Variants in CES4A observed in about 807,000 individuals in gnomAD.
CES4A encodes carboxylesterase 4A.
In CES4A, 48 loss-of-function variants were observed where a neutral mutation model predicts 65.4. The observed-to-expected ratio is 0.73, with a 90% CI of 0.58 to 0.93. The LOEUF (loss-of-function observed/expected upper bound fraction) is 0.93. Among genes scored for constraint, CES4A ranks in the 40% least tolerant of loss-of-function variants. The probability of loss-of-function intolerance (pLI) is 0.00; values close to 1 mark genes in which losing one functional copy is unlikely to be tolerated. For missense variants in CES4A, 685 were observed against 728.5 expected (o/e 0.94, Z 0.69); for synonymous variants, 247 against 281.8 (o/e 0.88, Z 1.24).
chr16:66,988,668 A>C (rs1964140356), exon 1 of CES4A: 1 of 1,538,106 alleles, frequency 6.5e-7, no homozygotes, highest in African/African-American at 1.4e-5. Context: ...TTAAGAGCAG[A>C]TAAAAGTGTG....
At chr16:67,005,051 C>G (rs759834720) in intron 10 of CES4A, 178 bp downstream of exon 10, 28 of 744,960 alleles carry the variant, frequency 3.8e-5, no homozygotes, top group African/African-American at 7.0e-5. Context: ...CTCAGGGTCA[C>G]AGGGGCAGTT....
exon 2 of CES4A, chr16:66,995,781 C>T (rs1367082415): frequency 6.2e-7 from 1 of 1,614,206 alleles, no homozygotes; most frequent in Non-Finnish European, 8.5e-7. Flanking sequence ...CCTCCAGAAC[C>T]CCCGGAGCCC....
rs377408075 is a variant in CES4A, at chr16:66,995,824, G to A, written c.255G>A (p.Pro85=). 504 of 1,613,066 alleles carry A rather than the reference G, an allele frequency of 3.1e-4. 2 individuals carry two copies. The Middle Eastern group carries it at 4.4e-3, about 14-fold the overall frequency. Residue 85 remains proline (P), a synonymous_variant, in exon 2 of 14, where the codon CCG becomes CCA. Coordinates refer to ENST00000648724, the Ensembl canonical transcript of CES4A. ...GAATCAGAGATGCTACCACCTACCC[G>A]CCTGGGTAAGAGTCAGAGGCCTGTC...
chr16:66,993,021 A>G (rs1308524104), intron 1 of CES4A, among the ~76,000 whole-genome samples: 1 of 152,156 alleles, frequency 6.6e-6, no homozygotes, highest in East Asian at 1.9e-4. Flanking sequence ...GGGGGCAAAT[A>G]GACAAGGGCA....
exon 14 of CES4A, chr16:67,009,104 T>C (rs904464630): frequency 1.4e-5 from 22 of 1,613,610 alleles, no homozygotes; most frequent in Non-Finnish European, 1.8e-5. Context: ...GATGAGTCTG[T>C]ACCAGTCTCA....
Position 67,001,034 on chromosome 16 carries a change from CGGCGGGGACTGGGTGGGAAGGGAGG to C in CES4A, c.536+52_536+76del. ...TTTGGGACCGCAGCTGTGGCCAGAG[CGGCGGGGACTGGGTGGGAAGGGAGG>C]GGCGGGGCCTGGGGCGGGGATGGGG... On this transcript the variant is annotated intron_variant, in intron 4 of 13. Transcript: ENST00000648724. This position sits in a 1 kb window ranked among gnomAD's most constrained non-coding sequence, Gnocchi z 4.1. The C allele has an allele frequency of 1.1e-6, 1 of 898,050 alleles. No homozygotes were observed. Among genetic ancestry groups the C allele is most frequent in the Non-Finnish European group, 1.5e-6 (1 of 667,986 alleles). 55.6% of individuals were successfully genotyped at this position (898,050 alleles called of 1,614,324 possible). A position where few individuals can be genotyped will look rare whatever the true frequency, so the allele number is the denominator to read the frequency against.
chr16:67,006,878 C>A, intron 13 of CES4A, 61 bp downstream of exon 13: 1 of 1,503,650 alleles, frequency 6.7e-7, no homozygotes, highest in Non-Finnish European at 9.2e-7. Flanking sequence ...CCTGAAGAAG[C>A]CAGCTGCTTC....
intron 11 of CES4A, 145 bp downstream of exon 11, chr16:67,005,538 C>A: frequency 1.3e-6 from 1 of 774,916 alleles, no homozygotes; most frequent in Non-Finnish European, 2.0e-6. Context: ...GAGGAGGCAG[C>A]ATGCTATCAA....
chr16:66,992,410 G>T (rs2145576838), intron 1 of CES4A, among the ~76,000 whole-genome samples: 1 of 152,314 alleles, frequency 6.6e-6, no homozygotes, highest in African/African-American at 2.4e-5. Context: ...GAGTGTGAAG[G>T]TGTGCTCTAT....
rs1965278909 is a variant in CES4A, at chr16:67,001,027, G to C, written c.536+37G>C. 1 of 1,536,636 alleles carries C rather than the reference G, an allele frequency of 6.5e-7. No homozygotes were observed. The highest frequency in any genetic ancestry group is 8.8e-7 in the Non-Finnish European group (1 of 1,130,474). The stretch of plus-strand genomic sequence containing the variant: ...GGTACCCTTTGGGACCGCAGCTGTG[G>C]CCAGAGCGGCGGGGACTGGGTGGGA... On this transcript the variant is annotated intron_variant, in intron 4 of 13. Transcript: ENST00000648724. The surrounding 1 kb of genome is among the most constrained non-coding windows in gnomAD (Gnocchi z 4.1).
At chr16:66,991,034 T>G (rs1301326010) in intron 1 of CES4A, among the ~76,000 whole-genome samples, 1 of 152,108 alleles carries the variant, frequency 6.6e-6, no homozygotes, top group Non-Finnish European at 1.5e-5. Context: ...TGGTTGTTGT[T>G]TTGTTTTTGA....
Position 67,001,405 on chromosome 16 carries a change from C to T in CES4A, c.634C>T (p.Pro212Ser). 1.2e-6 allele frequency: 2 copies of T among 1,613,634 alleles called. No homozygotes were observed. The highest frequency in any genetic ancestry group is 1.7e-6 in the Non-Finnish European group (2 of 1,179,854). The change falls in exon 5 of 14, where the codon CCA becomes TCA. Residue 212 changes from proline to serine, a missense_variant. Transcript: ENST00000648724. This position sits in a 1 kb window ranked among gnomAD's most constrained non-coding sequence, Gnocchi z 4.1. ...GAACATCGCAGCCTTCGGGGGAGAC[C>T]CAGGAAATGTGACCCTGTTCGGCCA... is the stretch of plus-strand genomic sequence containing the variant.
At chr16:66,993,881 C>T (rs1964592570) in intron 1 of CES4A, among the ~76,000 whole-genome samples, 1 of 151,586 alleles carries the variant, frequency 6.6e-6, no homozygotes. Context: ...GCGGGCAGAT[C>T]ACAAGTTCAG....
rs529680946 is a variant in CES4A at position 67,003,506 on chromosome 16, C to G, written c.901-9C>G. The G allele has an allele frequency of 3.7e-4, 604 of 1,612,718 alleles. 12 individuals are homozygous for G. In the South Asian group the frequency reaches 6.2e-3, roughly 17 times the overall value. ...TCCTTTAACTCTGATCCCTTCCTCT[C>G]CCCCATAGAGATTCCTCCAACTGAA... is the stretch of plus-strand genomic sequence containing the variant. On this transcript the variant is annotated splice_polypyrimidine_tract_variant and intron_variant, in intron 7 of 13. Coordinates refer to ENST00000648724, the Ensembl canonical transcript of CES4A. The surrounding 1 kb of genome is among the most constrained non-coding windows in gnomAD (Gnocchi z 4.2).
intron 1 of CES4A, among the ~76,000 whole-genome samples, chr16:66,991,599 C>A (rs1011629042): frequency 6.6e-6 from 1 of 152,214 alleles, no homozygotes; most frequent in African/African-American, 2.4e-5. Flanking sequence ...CACTCCATGG[C>A]AGCTCATGCT....
chr16:67,006,830 C>T lies in CES4A; in HGVS notation c.1517+13C>T, dbSNP rs766578305. On this transcript the variant is annotated intron_variant, in intron 13 of 13. Coordinates refer to ENST00000648724, the Ensembl canonical transcript of CES4A. ...TTGCCCGCACAGGGTGAGTCTGCCC[C>T]CCAGCACATCTGGGCATTCTACCTG... The T allele has an allele frequency of 6.8e-6, 11 of 1,613,276 alleles. No homozygotes were observed. The highest frequency in any genetic ancestry group is 8.5e-6 in the Non-Finnish European group (10 of 1,179,484).
rs1965527361 is a variant in CES4A at position 67,003,682 on chromosome 16, G to A, written c.939+129G>A. Reference sequence around the variant, plus strand: ...GTGGAGCTGATGTTCCAGTGGGGAAGGAGAATAAACCCTATAAATAAATAT... The same window carrying A: ...GTGGAGCTGATGTTCCAGTGGGGAAAGAGAATAAACCCTATAAATAAATAT... On this transcript the variant is annotated intron_variant, in intron 8 of 13. Transcript: ENST00000648724. The surrounding 1 kb of genome is among the most constrained non-coding windows in gnomAD (Gnocchi z 4.2). The A allele has an allele frequency of 3.8e-6, 3 of 779,342 alleles. No individual in the cohort carries two copies. The highest frequency in any genetic ancestry group is 4.5e-6 in the Non-Finnish European group (2 of 440,498). 48.3% of individuals were successfully genotyped at this position (779,342 alleles called of 1,614,324 possible).
At chr16:67,005,334 A>G (rs148896253) in exon 11 of CES4A, 28 of 1,614,132 alleles carry the variant, frequency 1.7e-5, no homozygotes, top group Non-Finnish European at 2.4e-5. Flanking sequence ...CGTATGATGG[A>G]CATAGTTCAA....
intron 2 of CES4A, chr16:66,996,177 C>T: frequency 7.3e-6 from 3 of 411,754 alleles, no homozygotes; most frequent in South Asian, 5.9e-5. Context: ...TCTGGGGCTA[C>T]AGGTACGTGC....
Sources: allele counts gnomAD v4.1 joint callset (sites outside exome capture counted in the v4.1 genomes callset), GRCh38; gene constraint gnomAD v4.1.1; non-coding constraint Gnocchi (gnomAD v3.1); transcripts MANE v1.5; gene names NCBI Gene and HGNC (gene_info 2026-07-23, HGNC 2026-07-21).